Variants in SLC47A1 observed in about 807,000 individuals in gnomAD.
The protein encoded by SLC47A1 is multidrug and toxin extrusion protein 1.
A neutral mutation model predicts 65.8 loss-of-function variants in SLC47A1; 58 were observed. The observed-to-expected ratio is 0.88, with a 90% confidence interval of 0.71 to 1.10. SLC47A1 has a LOEUF of 1.10. Ranked by LOEUF, SLC47A1 falls within the 50% of genes least tolerant of loss-of-function variation. The pLI, the probability that SLC47A1 is intolerant of heterozygous loss-of-function variation, is 0.00. For synonymous variants in SLC47A1, 285 were observed against 295.0 expected (o/e 0.97, Z 0.35); for missense variants, 706 against 719.2 (o/e 0.98, Z 0.21).
intron 12 of SLC47A1, among the ~76,000 whole-genome samples, chr17:19,562,873 G>C (rs1015692887): frequency 6.6e-6 from 1 of 152,036 alleles, no homozygotes; most frequent in Non-Finnish European, 1.5e-5. Context: ...TGGTAGAATC[G>C]GTGAAAGAGA....
Position 19,577,523 on chromosome 17 carries a change from T to A in SLC47A1, c.1683T>A (p.Ile561=). ...TCTTCTTAATCTTGCTGGTGGGGATTTTAGTGAGATTCTATGTCAGAATTC... is the reference window on the plus strand; with the variant it reads ...TCTTCTTAATCTTGCTGGTGGGGATATTAGTGAGATTCTATGTCAGAATTC... ...LGVFLILLVG[I]LVRFYVRIQ is the part of the protein sequence containing the mutation. The change falls in exon 17 of 17, where the codon ATT becomes ATA. Residue 561 remains isoleucine (I), a synonymous_variant. Coordinates refer to ENST00000270570, the MANE Select transcript of SLC47A1 (RefSeq NM_018242.3). 6.2e-7 allele frequency: 1 copy of A among 1,614,070 alleles called. No homozygotes were observed. Among genetic ancestry groups the A allele is most frequent in the Non-Finnish European group, 8.5e-7 (1 of 1,180,012 alleles).
Position 19,560,465 on chromosome 17 carries a change from C to A in SLC47A1, c.1078C>A (p.His360Asn), listed in dbSNP as rs761049855. The change falls in exon 12 of 17, where the codon CAC becomes AAC. Residue 360 changes from histidine (H) to asparagine (N), a missense_variant. His to Asn is a moderately conservative substitution (Grantham distance 68). Transcript: ENST00000270570. The part of the protein sequence containing the change: ...FSVLLLSCKD[H>N]VGYIFTTDRD... ...TGTCCTGCTGTTAAGCTGTAAGGATCACGTGGGGTACATTTTTACTACCGA... is the reference window on the plus strand; with the variant it reads ...TGTCCTGCTGTTAAGCTGTAAGGATAACGTGGGGTACATTTTTACTACCGA... 3 of 1,614,044 alleles carry A rather than the reference C, an allele frequency of 1.9e-6. No individual in the cohort carries two copies. The highest frequency in any genetic ancestry group is 1.3e-5 in the African/African-American group (1 of 74,920).
chr17:19,537,678 C>G (rs538337279), intron 1 of SLC47A1, among the ~76,000 whole-genome samples: 1 of 152,338 alleles, frequency 6.6e-6, no homozygotes, highest in Non-Finnish European at 1.5e-5. Context: ...CTCTCATGCT[C>G]CAAATGGAGC....
At chr17:19,544,710 C>T (rs929361269) in intron 2 of SLC47A1, among the ~76,000 whole-genome samples, 2 of 152,228 alleles carry the variant, frequency 1.3e-5, no homozygotes, top group Non-Finnish European at 2.9e-5. Flanking sequence ...CTCCAGCAGG[C>T]GGACTTTTCT....
chr17:19,533,980 C>T lies in SLC47A1; in HGVS notation c.41C>T (p.Pro14Leu). 5.8e-6 allele frequency: 9 copies of T among 1,539,944 alleles called. No individual in the cohort carries two copies. Among genetic ancestry groups the T allele is most frequent in the South Asian group, 1.2e-5 (1 of 82,568 alleles). Reference sequence around the variant, plus strand: ...GAGCCCGCGCCAGTGCGCGGAGGCCCGGAGGCCACCCTTGAGGTCCGTGGG... The same window carrying T: ...GAGCCCGCGCCAGTGCGCGGAGGCCTGGAGGCCACCCTTGAGGTCCGTGGG... ...PEEPAPVRGG[P>L]EATLEVRGSR... The change falls in exon 1 of 17, where the codon CCG becomes CTG. Residue 14 changes from proline to leucine, a missense_variant. By Grantham distance (98) the Pro-to-Leu change is moderately conservative. Coordinates refer to ENST00000270570, the MANE Select transcript of SLC47A1 (RefSeq NM_018242.3).
At chr17:19,550,380 G>A (rs1916412867) in intron 5 of SLC47A1, among the ~76,000 whole-genome samples, 1 of 152,028 alleles carries the variant, frequency 6.6e-6, no homozygotes, top group Non-Finnish European at 1.5e-5. Context: ...CAGTGGCACA[G>A]TCCTCACTCA....
chr17:19,551,796 G>A (rs1260587041), intron 6 of SLC47A1, among the ~76,000 whole-genome samples: 6 of 152,226 alleles, frequency 3.9e-5, no homozygotes, highest in Admixed American at 3.9e-4. Context: ...TGGAAAGAAG[G>A]GTGCATGCCC....
intron 12 of SLC47A1, among the ~76,000 whole-genome samples, chr17:19,564,091 G>C (rs1274330864): frequency 6.6e-6 from 1 of 152,298 alleles, no homozygotes; most frequent in Admixed American, 6.5e-5. Flanking sequence ...GGTGGCTCAT[G>C]CCTGTAATCC....
At chr17:19,534,349 C>A in intron 1 of SLC47A1, 1 of 381,750 alleles carries the variant, frequency 2.6e-6, no homozygotes, top group South Asian at 5.4e-5. Flanking sequence ...GAGAGGCCGG[C>A]GGCTCCAGCC....
At chr17:19,563,920 C>T (rs1182068642) in intron 12 of SLC47A1, among the ~76,000 whole-genome samples, 6 of 151,928 alleles carry the variant, frequency 3.9e-5, no homozygotes, top group Non-Finnish European at 7.4e-5. Context: ...ACCCGGGAGG[C>T]GGAGCTTGCA....
chr17:19,566,014 A>G (rs765651084), intron 12 of SLC47A1, among the ~76,000 whole-genome samples: 2 of 152,054 alleles, frequency 1.3e-5, no homozygotes, highest in African/African-American at 2.4e-5. Context: ...CAACATCTCC[A>G]CGCTGTGTGT....
intron 1 of SLC47A1, among the ~76,000 whole-genome samples, chr17:19,541,173 C>A (rs1182452468): frequency 1.3e-5 from 2 of 152,146 alleles, no homozygotes; most frequent in Admixed American, 1.3e-4. Flanking sequence ...TCCCTGAGGG[C>A]GGTGAGAGGC....
At position 19,549,795 on chromosome 17, in the gene SLC47A1, G is replaced by A. The variant is rs532163567; in HGVS notation, c.498+118G>A. 127 of 1,094,098 alleles carry A rather than the reference G, an allele frequency of 1.2e-4. No individual in the cohort carries two copies. In the African/African-American group the frequency reaches 1.7e-3, roughly 15 times the overall value. The allele number at this position is 1,094,098 out of a possible 1,614,324, so 67.8% of individuals were successfully genotyped here. On this transcript the variant is annotated intron_variant, in intron 5 of 16. Coordinates refer to ENST00000270570, the MANE Select transcript of SLC47A1 (RefSeq NM_018242.3). ...TAGATGATTCTTATCTGTGGTGTTG[G>A]TGCCTTCAAGGAAGCCTGTTTTTAT...
At chr17:19,541,439 C>T (rs1916147384) in intron 1 of SLC47A1, among the ~76,000 whole-genome samples, 1 of 152,182 alleles carries the variant, frequency 6.6e-6, no homozygotes, top group African/African-American at 2.4e-5. Context: ...AGTTAACCTC[C>T]AGAAATAAGC....
At chr17:19,552,774 AG>A (rs1227045885) in intron 6 of SLC47A1, among the ~76,000 whole-genome samples, 1 of 152,104 alleles carries the variant, frequency 6.6e-6, no homozygotes, top group East Asian at 1.9e-4. Context: ...GCCTGTTCCT[AG>A]GGGCTGGGGC....
At chr17:19,544,070 C>G (rs1037916298) in intron 2 of SLC47A1, among the ~76,000 whole-genome samples, 7 of 152,194 alleles carry the variant, frequency 4.6e-5, no homozygotes, top group African/African-American at 1.7e-4. Flanking sequence ...ATTCTCCAGC[C>G]TCAGCCTGGG....
At chr17:19,540,266 G>T (rs896736989) in intron 1 of SLC47A1, among the ~76,000 whole-genome samples, 2 of 152,158 alleles carry the variant, frequency 1.3e-5, no homozygotes, top group African/African-American at 4.8e-5. Context: ...ACTTCCATGT[G>T]AAGCCATGAA....
In SLC47A1 at chr17:19,555,892, T is replaced by C; in HGVS notation, c.836T>C (p.Val279Ala). 6.2e-7 allele frequency: 1 copy of C among 1,613,888 alleles called. No individual in the cohort carries two copies. Among genetic ancestry groups the C allele is most frequent in the South Asian group, 1.1e-5 (1 of 91,066 alleles). Reference sequence around the variant, plus strand: ...TGCATGGAGTGGTGGGCCTATGAGGTCGGGAGCTTCCTCAGTGGTCTGTAT... The same window carrying C: ...TGCATGGAGTGGTGGGCCTATGAGGCCGGGAGCTTCCTCAGTGGTCTGTAT... Reference protein sequence around the residue: ...MLCMEWWAYEVGSFLSGILGM... With the variant: ...MLCMEWWAYEAGSFLSGILGM... The change falls in exon 9 of 17, where the codon GTC becomes GCC. Residue 279 changes from valine (V) to alanine (A), a missense_variant. Transcript: ENST00000270570.
intron 14 of SLC47A1, among the ~76,000 whole-genome samples, chr17:19,568,515 C>T (rs186914920): frequency 2.0e-5 from 3 of 151,328 alleles, no homozygotes; most frequent in Admixed American, 6.6e-5. Flanking sequence ...AATTTAAATT[C>T]TCTATATTAT....
Sources: gnomAD v4.1 joint callset for allele counts (sites outside exome capture counted in the v4.1 genomes callset) on GRCh38, gnomAD v4.1.1 for gene constraint, MANE v1.5 for transcripts, NCBI Gene and HGNC (gene_info 2026-07-23, HGNC 2026-07-21) for gene names.